HSPA12A: variants seen among roughly 807,000 people sequenced by gnomAD.
HSPA12A encodes heat shock protein family A (Hsp70) member 12A.
Under a neutral mutation model 69.2 loss-of-function variants are expected in HSPA12A, and 28 were observed. The ratio of observed to expected loss-of-function variants is 0.40; its 90% CI spans 0.30 to 0.55. The LOEUF (loss-of-function observed/expected upper bound fraction) is 0.55. HSPA12A is among the 20% of genes least tolerant of loss of function. HSPA12A has a pLI of 0.38. For missense variants in HSPA12A, 686 were observed against 900.7 expected, an observed-to-expected ratio of 0.76 and a Z score of 3.05; for synonymous variants, 345 against 370.5, an observed-to-expected ratio of 0.93 and a Z score of 0.79.
intron 3 of HSPA12A, among the ~76,000 whole-genome samples, chr10:116,702,236 C>T (rs1850099057): frequency 6.6e-6 from 1 of 152,138 alleles, no homozygotes; most frequent in Non-Finnish European, 1.5e-5. Flanking sequence ...GAGGCCAGGG[C>T]CACCAAGAGG....
chr10:116,716,213 A>T (rs566869791), intron 1 of HSPA12A, among the ~76,000 whole-genome samples: 182 of 152,008 alleles, frequency 1.2e-3, no homozygotes, highest in African/African-American at 4.3e-3. Context: ...ACAGTAGGGT[A>T]TGCCCCTGCA....
intron 1 of HSPA12A, among the ~76,000 whole-genome samples, chr10:116,716,428 C>T (rs928172938): frequency 5.4e-5 from 7 of 129,894 alleles, no homozygotes; most frequent in Admixed American, 2.8e-4. Context: ...TGAGTCCTCC[C>T]GAAAGGCAGG....
At chr10:116,829,732 T>C (rs1377052106) in intron 2 of HSPA12A, 1 of 152,228 alleles carries the variant, frequency 6.6e-6, no homozygotes, top group Non-Finnish European at 1.5e-5. Context: ...GGCACTTGTA[T>C]ATAAATGACA....
chr10:116,821,544 T>C (rs534086283), intron 2 of HSPA12A, among the ~76,000 whole-genome samples: 2 of 152,388 alleles, frequency 1.3e-5, no homozygotes, highest in East Asian at 3.9e-4. Flanking sequence ...ATTTAACATA[T>C]TCAGATTTGC....
At chr10:116,808,160 A>G (rs1241751235) in intron 2 of HSPA12A, among the ~76,000 whole-genome samples, 1 of 152,080 alleles carries the variant, frequency 6.6e-6, no homozygotes, top group African/African-American at 2.4e-5. Context: ...GGAGGAATAT[A>G]GAAGAGTTTG....
rs542604330 is a variant in HSPA12A at position 116,674,960 on chromosome 10, C to T, written c.1849G>A (p.Gly617Arg). ...HDNVSFITDP[G>R]VKKCGTLRLD... The stretch of plus-strand genomic sequence containing the variant: ...CGGAGCGTGCCACACTTCTTCACCC[C>T]GGGATCAGTGATGAAGCTGACGTTG... The change falls in exon 12 of 12, where the codon GGG (glycine) becomes AGG (arginine). Residue 617 changes from glycine to arginine, a missense_variant. Coordinates refer to ENST00000369209, the MANE Select transcript of HSPA12A (RefSeq NM_025015.3). 51 of 1,614,106 alleles carry T rather than the reference C, an allele frequency of 3.2e-5. No individual in the cohort carries two copies. The highest frequency in any genetic ancestry group is 2.1e-4 in the African/African-American group (16 of 75,036).
chr10:116,788,710 A>G (rs1010430086), intron 2 of HSPA12A, among the ~76,000 whole-genome samples: 3 of 152,210 alleles, frequency 2.0e-5, no homozygotes, highest in African/African-American at 7.2e-5. Context: ...ACAATAATAC[A>G]TGCTACATCA....
At chr10:116,819,735 G>A (rs1209793329) in intron 2 of HSPA12A, among the ~76,000 whole-genome samples, 2 of 152,202 alleles carry the variant, frequency 1.3e-5, no homozygotes, top group Non-Finnish European at 2.9e-5. Flanking sequence ...TGGCAACGTG[G>A]GAAAATCGTT....
In HSPA12A at chr10:116,681,271, G is replaced by A; in HGVS notation, c.923-15C>T. On this transcript the variant is annotated splice_polypyrimidine_tract_variant and intron_variant, in intron 8 of 11. Transcript: ENST00000369209. The stretch of plus-strand genomic sequence containing the variant: ...ATACTTATCACCTGGCACAAAAACA[G>A]CCATCTTTTACACAGACTGTTTGCC... 6.2e-7 allele frequency: 1 copy of A among 1,606,924 alleles called. No homozygotes were observed. The highest frequency in any genetic ancestry group is 8.5e-7 in the Non-Finnish European group (1 of 1,173,822).
chr10:116,833,298 C>A (rs1292232410), intron 2 of HSPA12A: 1 of 152,220 alleles, frequency 6.6e-6, no homozygotes, highest in African/African-American at 2.4e-5. Flanking sequence ...TCGTCAAATC[C>A]AAATCCTGGA....
At chr10:116,762,867 T>A (rs912631819) in intron 2 of HSPA12A, among the ~76,000 whole-genome samples, 1 of 152,312 alleles carries the variant, frequency 6.6e-6, no homozygotes, top group African/African-American at 2.4e-5. Context: ...TGAGCCACCA[T>A]GCCTGGCCTT....
At chr10:116,817,719 TGTGG>T (rs753398413) in intron 2 of HSPA12A, among the ~76,000 whole-genome samples, 6 of 152,248 alleles carry the variant, frequency 3.9e-5, no homozygotes, top group Admixed American at 1.3e-4. Context: ...GCCTCAAGAA[TGTGG>T]GTCAGTCAAG....
chr10:116,839,556 A>G (rs1338104134), intron 1 of HSPA12A, among the ~76,000 whole-genome samples: 1 of 150,870 alleles, frequency 6.6e-6, no homozygotes, highest in Non-Finnish European at 1.5e-5. Flanking sequence ...CACTTTAGTA[A>G]TCAACACAAG....
At chr10:116,715,934 T>C (rs1850588159) in intron 1 of HSPA12A, among the ~76,000 whole-genome samples, 1 of 152,182 alleles carries the variant, frequency 6.6e-6, no homozygotes, top group African/African-American at 2.4e-5. Context: ...CTGAGGCTGG[T>C]CGGCCCAGTA....
At chr10:116,717,429 G>C (rs1850641525) in intron 1 of HSPA12A, among the ~76,000 whole-genome samples, 1 of 152,128 alleles carries the variant, frequency 6.6e-6, no homozygotes, top group South Asian at 2.1e-4. Context: ...CGTATTCTTT[G>C]GTCTGCAAAG....
chr10:116,734,650 C>CT (rs10631951), intron 1 of HSPA12A, among the ~76,000 whole-genome samples: 15,462 of 133,728 alleles, frequency 0.12, 1,360 homozygotes, highest in East Asian at 0.4. Flanking sequence ...AGATTTTCAG[C>CT]TTTTTTTTTT....
intron 1 of HSPA12A, among the ~76,000 whole-genome samples, chr10:116,847,793 A>G (rs1379162067): frequency 6.6e-6 from 1 of 152,188 alleles, no homozygotes; most frequent in East Asian, 1.9e-4. Context: ...TTATAGGGTT[A>G]TAGGGGGAGA....
At chr10:116,732,328 C>CAAACAAAGAAAGAAAGAAAGAAAG (rs1554885908) in intron 1 of HSPA12A, among the ~76,000 whole-genome samples, 1 of 124,076 alleles carries the variant, frequency 8.1e-6, no homozygotes, top group African/African-American at 2.7e-5. Flanking sequence ...TCAAAAAAAA[C>CAAACAAAGAAAGAAAGAAAGAAAG]AAAGAAAGAA....
rs782158584 is a variant in HSPA12A, at chr10:116,698,640, G to A, written c.541C>T (p.Leu181=). The change falls in exon 5 of 12, where the codon CTG becomes TTG. Residue 181 remains leucine (L), a synonymous_variant. Coordinates refer to ENST00000369209, the MANE Select transcript of HSPA12A (RefSeq NM_025015.3). Reference sequence around the variant, plus strand: ...GCCTCAACTATCAGTCCTACCTTCAGCGCCTGCTCCTTAAAGTACTGCAGG... The same window carrying A: ...GCCTCAACTATCAGTCCTACCTTCAACGCCTGCTCCTTAAAGTACTGCAGG... ...YALQYFKEQA[L]KELSDQAGSE... The A allele has an allele frequency of 4.3e-6, 7 of 1,612,072 alleles. No individual in the cohort carries two copies. The highest frequency in any genetic ancestry group is 3.4e-6 in the Non-Finnish European group (4 of 1,178,388).
Sources: allele counts gnomAD v4.1 joint callset (sites outside exome capture counted in the v4.1 genomes callset), GRCh38; gene constraint gnomAD v4.1.1; transcripts MANE v1.5; gene names NCBI Gene and HGNC (gene_info 2026-07-23, HGNC 2026-07-21).